Variants in FOXP1 observed in about 807,000 individuals in gnomAD.
FOXP1 encodes forkhead box P1.
In FOXP1, 15 loss-of-function variants were observed where a neutral mutation model predicts 98.2. The ratio of observed to expected loss-of-function variants is 0.15; its 90% confidence interval spans 0.10 to 0.24. The LOEUF is 0.24. FOXP1 is among the 10% of genes least tolerant of loss of function. The probability of loss-of-function intolerance (pLI) is 1.00; values close to 1 mark genes in which losing one functional copy is unlikely to be tolerated. For missense variants in FOXP1, 633 were observed against 848.5 expected, an observed-to-expected ratio of 0.75 and a Z score of 3.15; for synonymous variants, 371 against 314.5, an observed-to-expected ratio of 1.18 and a Z score of -1.90.
chr3:71,555,973 C>T (rs1467165442), intron 2 of FOXP1, among the ~76,000 whole-genome samples: 1 of 151,618 alleles, frequency 6.6e-6, no homozygotes, highest in Admixed American at 6.6e-5. Context: ...AAAAATTAAA[C>T]AATTATAAGA....
At chr3:71,271,531 C>G (rs2070349894) in intron 5 of FOXP1, among the ~76,000 whole-genome samples, 1 of 152,136 alleles carries the variant, frequency 6.6e-6, no homozygotes, top group Admixed American at 6.5e-5. Context: ...ATCCAAACAC[C>G]TATTCATCCA....
At chr3:71,223,755 T>G (rs2065605673) in intron 5 of FOXP1, among the ~76,000 whole-genome samples, 1 of 152,070 alleles carries the variant, frequency 6.6e-6, no homozygotes, top group Non-Finnish European at 1.5e-5. Flanking sequence ...ATTTTATTTT[T>G]ATGCTGACCA....
At chr3:70,975,534 T>C (rs1277452677) in intron 17 of FOXP1, among the ~76,000 whole-genome samples, 1 of 152,364 alleles carries the variant, frequency 6.6e-6, no homozygotes, top group Non-Finnish European at 1.5e-5. Context: ...TCTTTTGCTT[T>C]GGTTTTTCTC....
chr3:71,297,827 G>A (rs894561209), intron 5 of FOXP1, among the ~76,000 whole-genome samples: 1 of 152,008 alleles, frequency 6.6e-6, no homozygotes, highest in Non-Finnish European at 1.5e-5. Flanking sequence ...GGTTGGTCTC[G>A]AACTCCTGAC....
chr3:71,539,101 A>AT (rs1379852281), intron 2 of FOXP1, among the ~76,000 whole-genome samples: 4 of 143,932 alleles, frequency 2.8e-5, no homozygotes, highest in East Asian at 2.0e-4. Flanking sequence ...TTTATTTTTT[A>AT]TTTTTTTGTT....
chr3:71,032,141 G>A (rs373723665), intron 11 of FOXP1, among the ~76,000 whole-genome samples: 10 of 152,354 alleles, frequency 6.6e-5, no homozygotes, highest in Middle Eastern at 3.4e-3. Context: ...CCCGCCCGGC[G>A]CAGCCCCGAT....
At chr3:71,018,495 C>G (rs889723727) in intron 11 of FOXP1, among the ~76,000 whole-genome samples, 1 of 152,156 alleles carries the variant, frequency 6.6e-6, no homozygotes, top group African/African-American at 2.4e-5. Context: ...ACCCCCACAC[C>G]CCAACCTAGG....
chr3:71,183,951 G>A (rs1392352986), intron 6 of FOXP1, among the ~76,000 whole-genome samples: 2 of 151,992 alleles, frequency 1.3e-5, no homozygotes, highest in Non-Finnish European at 2.9e-5. Context: ...TTGGGACTTC[G>A]AGACCAGCCT....
chr3:71,491,201 G>A (rs959280021), intron 3 of FOXP1, among the ~76,000 whole-genome samples: 7 of 152,156 alleles, frequency 4.6e-5, no homozygotes, highest in Admixed American at 4.6e-4. Context: ...TTTTTGGGAG[G>A]GATGAGGTTG....
chr3:71,109,854 C>T (rs1286116631), intron 7 of FOXP1, among the ~76,000 whole-genome samples: 1 of 152,158 alleles, frequency 6.6e-6, no homozygotes, highest in Non-Finnish European at 1.5e-5. Context: ...TACACACACA[C>T]ACACACCAGT....
intron 3 of FOXP1, among the ~76,000 whole-genome samples, chr3:71,365,395 G>A (rs2078846971): frequency 6.8e-6 from 1 of 147,952 alleles, no homozygotes; most frequent in Non-Finnish European, 1.5e-5. Context: ...CACATAGACA[G>A]CTTACTAGAA....
In FOXP1 at chr3:71,535,088, G is replaced by A. The variant is rs545480842; in HGVS notation, c.-297-41533C>T. ...GAAGGGAAGAGCATTTAGTAATAGTGCAAATGATGAGCAAATGCCCGGGAG... is the reference window on the plus strand; with the variant it reads ...GAAGGGAAGAGCATTTAGTAATAGTACAAATGATGAGCAAATGCCCGGGAG... On this transcript the variant is annotated intron_variant, in intron 2 of 20. Coordinates refer to ENST00000649528, the MANE Select transcript of FOXP1 (RefSeq NM_001349338.3). Among the ~76,000 whole-genome samples, 4 of 152,272 alleles carry A rather than the reference G, an allele frequency of 2.6e-5. No homozygotes were observed. The South Asian group carries it at 8.3e-4, about 32-fold the overall frequency.
At chr3:71,403,167 A>T (rs1469512360) in intron 3 of FOXP1, among the ~76,000 whole-genome samples, 1 of 152,228 alleles carries the variant, frequency 6.6e-6, no homozygotes, top group Non-Finnish European at 1.5e-5. Flanking sequence ...GTGAAGCTGG[A>T]TCTTCTCCAA....
At chr3:71,538,025 T>C (rs758527856) in intron 2 of FOXP1, among the ~76,000 whole-genome samples, 22 of 152,350 alleles carry the variant, frequency 1.4e-4, no homozygotes, top group South Asian at 6.2e-4. Flanking sequence ...GCTGAGAGAC[T>C]GTATGGCCTG....
chr3:71,197,837 G>A (rs2063385324), intron 6 of FOXP1: 2 of 1,586,834 alleles, frequency 1.3e-6, no homozygotes, highest in South Asian at 1.1e-5. Flanking sequence ...GCTTAAGCCT[G>A]TTTTTCGTTT....
chr3:71,342,149 C>T (rs1223047340), intron 4 of FOXP1, among the ~76,000 whole-genome samples: 1 of 152,218 alleles, frequency 6.6e-6, no homozygotes, highest in African/African-American at 2.4e-5. Flanking sequence ...TAGATGTCCA[C>T]ATGAGGTTCC....
intron 2 of FOXP1, among the ~76,000 whole-genome samples, chr3:71,535,603 C>T (rs1163100082): frequency 2.0e-5 from 3 of 152,146 alleles, no homozygotes; most frequent in Non-Finnish European, 4.4e-5. Flanking sequence ...TGGCGTGCAC[C>T]TGTGGTCCCA....
chr3:71,441,684 C>G (rs998420831), intron 3 of FOXP1, among the ~76,000 whole-genome samples: 3 of 152,136 alleles, frequency 2.0e-5, no homozygotes, highest in Non-Finnish European at 4.4e-5. Flanking sequence ...GTGTTCTTAC[C>G]TCTGCTTCGT....
At chr3:71,126,903 AAAG>A (rs1159293940) in intron 6 of FOXP1, among the ~76,000 whole-genome samples, 1 of 148,226 alleles carries the variant, frequency 6.7e-6, no homozygotes, top group Non-Finnish European at 1.5e-5. Flanking sequence ...AAAAAAAAAG[AAAG>A]AAGAAAAAAG....
Sources: allele counts gnomAD v4.1 joint callset (sites outside exome capture counted in the v4.1 genomes callset), GRCh38; gene constraint gnomAD v4.1.1; transcripts MANE v1.5; gene names NCBI Gene and HGNC (gene_info 2026-07-23, HGNC 2026-07-21).